Variants in PARN observed in about 807,000 individuals in gnomAD.
The protein encoded by PARN is poly(A)-specific ribonuclease, also known as poly(A)-specific ribonuclease PARN.
A neutral mutation model predicts 102.8 loss-of-function variants in PARN; 71 were observed. That is an observed-to-expected ratio of 0.69 (90% CI 0.57 to 0.84). The LOEUF (loss-of-function observed/expected upper bound fraction) is 0.84. Among genes scored for constraint, PARN ranks in the 40% least tolerant of loss-of-function variants. The pLI is 0.00. For missense variants in PARN, 782 were observed against 760.9 expected, an observed-to-expected ratio of 1.03 and a Z score of -0.33; for synonymous variants, 261 against 252.9, an observed-to-expected ratio of 1.03 and a Z score of -0.30.
intron 16 of PARN, 22 bp downstream of exon 16, chr16:14,584,325 G>A (rs1969709380): frequency 1.3e-6 from 2 of 1,529,366 alleles, no homozygotes; most frequent in Non-Finnish European, 1.8e-6. Flanking sequence ...AGTTTGGAGG[G>A]TTTCCGGTTT....
At chr16:14,530,102 C>G (rs1182226198) in intron 21 of PARN, among the ~76,000 whole-genome samples, 1 of 152,196 alleles carries the variant, frequency 6.6e-6, no homozygotes, top group Non-Finnish European at 1.5e-5. Flanking sequence ...GTAAGCTATT[C>G]ATCCTGCTCC....
At chr16:14,520,744 C>T (rs772538136) in intron 21 of PARN, among the ~76,000 whole-genome samples, 4 of 151,990 alleles carry the variant, frequency 2.6e-5, no homozygotes, top group Non-Finnish European at 4.4e-5. Flanking sequence ...GGAATATTTC[C>T]CAGTGAATAC....
intron 21 of PARN, chr16:14,501,725 C>G (rs1964630611): frequency 6.6e-6 from 1 of 152,196 alleles, no homozygotes. Context: ...ATCTGTTCCC[C>G]CGCTCACAGC....
chr16:14,478,221 T>A (rs1050954157), intron 22 of PARN, among the ~76,000 whole-genome samples: 7 of 152,012 alleles, frequency 4.6e-5, no homozygotes, highest in Non-Finnish European at 7.4e-5. Context: ...GAGGCTGAGG[T>A]GGGATGATCC....
chr16:14,623,057 C>G (rs1353488224), intron 5 of PARN, among the ~76,000 whole-genome samples: 1 of 146,506 alleles, frequency 6.8e-6, no homozygotes, highest in Non-Finnish European at 1.5e-5. Context: ...TGAGCCATGA[C>G]AACATCACTG....
intron 16 of PARN, 107 bp from the exon 17 acceptor site, chr16:14,582,398 C>A: frequency 2.8e-6 from 2 of 722,686 alleles, no homozygotes; most frequent in Non-Finnish European, 5.0e-6. Context: ...CCTAAATAGG[C>A]AGAAAAAAGC....
chr16:14,571,662 CACAGCAGTG>C (rs1968821595), intron 18 of PARN, among the ~76,000 whole-genome samples: 2 of 152,204 alleles, frequency 1.3e-5, no homozygotes, highest in South Asian at 2.1e-4. Flanking sequence ...ACTATGTCAC[CACAGCAGTG>C]ACAGCAGTGA....
At chr16:14,612,166 T>C (rs1971554564) in intron 6 of PARN, among the ~76,000 whole-genome samples, 1 of 152,054 alleles carries the variant, frequency 6.6e-6, no homozygotes. Flanking sequence ...CGGCCGGGCA[T>C]GGTGGCTCAC....
chr16:14,606,011 A>T (rs1971155440), intron 10 of PARN, among the ~76,000 whole-genome samples: 1 of 152,154 alleles, frequency 6.6e-6, no homozygotes, highest in Non-Finnish European at 1.5e-5. Context: ...GCTCAGTCCC[A>T]ATGTACAGAA....
At chr16:14,509,890 T>C (rs1331647269) in intron 21 of PARN, among the ~76,000 whole-genome samples, 2 of 152,142 alleles carry the variant, frequency 1.3e-5, no homozygotes, top group East Asian at 3.8e-4. Flanking sequence ...CCCTCAGAAA[T>C]GGGTTTCGCA....
chr16:14,497,808 T>G (rs1458057795), intron 21 of PARN, among the ~76,000 whole-genome samples: 3 of 152,180 alleles, frequency 2.0e-5, no homozygotes, highest in African/African-American at 7.2e-5. Context: ...TGTGGATGTT[T>G]TGAAGTGGTT....
In PARN at chr16:14,456,830, C is replaced by T. The variant is rs112695166; in HGVS notation, c.1671-9749G>A. Reference sequence around the variant, plus strand: ...AAAAGAGACCCCCGCACCATCCCCACGGAGGAGCCGAAACAGCCACTTACC... The same window carrying T: ...AAAAGAGACCCCCGCACCATCCCCATGGAGGAGCCGAAACAGCCACTTACC... On this transcript the variant is annotated intron_variant, in intron 22 of 23. Coordinates refer to ENST00000437198, the MANE Select transcript of PARN (RefSeq NM_002582.4). Among the ~76,000 whole-genome samples the T allele has an allele frequency of 9.6e-3, 1,470 of 152,336 alleles. 8 individuals are homozygous for T. Among genetic ancestry groups the T allele is most frequent in the Middle Eastern group, 0.054 (16 of 294 alleles).
At chr16:14,536,933 A>T (rs1246698578) in intron 21 of PARN, among the ~76,000 whole-genome samples, 3 of 152,228 alleles carry the variant, frequency 2.0e-5, no homozygotes, top group African/African-American at 7.2e-5. Flanking sequence ...ACAATAAAAT[A>T]ACAGAAAAAT....
At chr16:14,568,121 G>A (rs1217756088) in intron 18 of PARN, among the ~76,000 whole-genome samples, 1 of 152,116 alleles carries the variant, frequency 6.6e-6, no homozygotes, top group African/African-American at 2.4e-5. Context: ...AGGCCGAGAC[G>A]GGAGAATCTT....
intron 14 of PARN, among the ~76,000 whole-genome samples, chr16:14,586,045 T>C (rs1411090874): frequency 2.0e-5 from 3 of 151,288 alleles, no homozygotes; most frequent in Non-Finnish European, 4.4e-5. Context: ...AGTAGCACTA[T>C]TATGGCTCAC....
At chr16:14,607,914 A>G (rs1353303685) in intron 9 of PARN, among the ~76,000 whole-genome samples, 1 of 152,202 alleles carries the variant, frequency 6.6e-6, no homozygotes, top group Non-Finnish European at 1.5e-5. Context: ...AGACCTCCTG[A>G]AACCCATCCA....
chr16:14,576,562 C>G (rs1236909763), intron 18 of PARN, among the ~76,000 whole-genome samples: 1 of 152,186 alleles, frequency 6.6e-6, no homozygotes, highest in Non-Finnish European at 1.5e-5. Flanking sequence ...ATTTTTAGCT[C>G]TTAGATTTTA....
intron 22 of PARN, among the ~76,000 whole-genome samples, chr16:14,471,602 A>G (rs1435898886): frequency 1.3e-5 from 2 of 152,172 alleles, no homozygotes; most frequent in African/African-American, 4.8e-5. Flanking sequence ...AAGTCCACTC[A>G]CACTGCTGGG....
chr16:14,558,182 C>G (rs537692080), intron 18 of PARN, among the ~76,000 whole-genome samples: 2 of 152,304 alleles, frequency 1.3e-5, no homozygotes, highest in East Asian at 3.9e-4. Flanking sequence ...CCTGTAATCC[C>G]AGCACTTTAC....
Sources: allele counts gnomAD v4.1 joint callset (sites outside exome capture counted in the v4.1 genomes callset), GRCh38; gene constraint gnomAD v4.1.1; transcripts MANE v1.5; gene names NCBI Gene and HGNC (gene_info 2026-07-23, HGNC 2026-07-21).